Variants in CNTN5 observed in about 807,000 individuals in gnomAD.
The protein encoded by CNTN5 is contactin-5.
Under a neutral mutation model 129.1 loss-of-function variants are expected in CNTN5, and 77 were observed. The ratio of observed to expected loss-of-function variants is 0.60; its 90% CI spans 0.50 to 0.72. CNTN5 has a LOEUF of 0.72. Ranked by LOEUF, CNTN5 falls within the 30% of genes least tolerant of loss-of-function variation. The pLI is 0.00. For missense variants in CNTN5, 1,478 were observed against 1,328.8 expected, an observed-to-expected ratio of 1.11 and a Z score of -1.75; for synonymous variants, 509 against 465.6, an observed-to-expected ratio of 1.09 and a Z score of -1.20.
chr11:99,822,752 A>T (rs1269249236), intron 4 of CNTN5, among the ~76,000 whole-genome samples: 1 of 152,232 alleles, frequency 6.6e-6, no homozygotes, highest in East Asian at 1.9e-4. Context: ...GTCTCACAGT[A>T]ATTCTCACTT....
At chr11:99,728,931 A>C (rs939067061) in intron 3 of CNTN5, among the ~76,000 whole-genome samples, 1 of 152,182 alleles carries the variant, frequency 6.6e-6, no homozygotes, top group African/African-American at 2.4e-5. Flanking sequence ...TGTACACCTC[A>C]AGGTACAACA....
chr11:100,090,785 C>G (rs1181809237), intron 13 of CNTN5, among the ~76,000 whole-genome samples: 1 of 151,616 alleles, frequency 6.6e-6, no homozygotes, highest in African/African-American at 2.4e-5. Flanking sequence ...CACTGCTAAT[C>G]CTTAATCAAT....
At chr11:100,181,102 T>G (rs1389506793) in intron 13 of CNTN5, among the ~76,000 whole-genome samples, 1 of 152,050 alleles carries the variant, frequency 6.6e-6, no homozygotes, top group Non-Finnish European at 1.5e-5. Context: ...TATCTGTACA[T>G]CAATGCTTGT....
chr11:100,117,314 T>C (rs1390478574), intron 13 of CNTN5, among the ~76,000 whole-genome samples: 1 of 151,936 alleles, frequency 6.6e-6, no homozygotes, highest in Non-Finnish European at 1.5e-5. Context: ...GCCACATCCC[T>C]GTACTTTCAG....
intron 3 of CNTN5, among the ~76,000 whole-genome samples, chr11:99,799,189 G>A (rs1164835609): frequency 6.6e-6 from 1 of 151,714 alleles, no homozygotes; most frequent in Non-Finnish European, 1.5e-5. Context: ...CATATTATTG[G>A]CAAAGAGAGG....
chr11:99,827,825 G>A (rs932615411), intron 4 of CNTN5, among the ~76,000 whole-genome samples: 17 of 152,076 alleles, frequency 1.1e-4, no homozygotes, highest in African/African-American at 4.1e-4. Flanking sequence ...TGTTTGTGAC[G>A]CAAATTTTTA....
chr11:99,441,797 CT>C (rs981280832), intron 2 of CNTN5, among the ~76,000 whole-genome samples: 44 of 151,532 alleles, frequency 2.9e-4, no homozygotes, highest in African/African-American at 9.9e-4. Flanking sequence ...GCTCAGAACT[CT>C]TTTTTTTTAA....
intron 2 of CNTN5, among the ~76,000 whole-genome samples, chr11:99,398,076 C>T (rs941832926): frequency 6.6e-6 from 1 of 151,864 alleles, no homozygotes; most frequent in Non-Finnish European, 1.5e-5. Flanking sequence ...AACAGTGAGA[C>T]ACCTGGCTCC....
chr11:99,300,048 C>T (rs1402711273), intron 1 of CNTN5, among the ~76,000 whole-genome samples: 1 of 152,072 alleles, frequency 6.6e-6, no homozygotes, highest in African/African-American at 2.4e-5. Context: ...TGCATCCTTG[C>T]CAACATTTGT....
chr11:99,482,433 T>C (rs185443374), intron 2 of CNTN5, among the ~76,000 whole-genome samples: 4 of 152,264 alleles, frequency 2.6e-5, no homozygotes, highest in Admixed American at 2.0e-4. Context: ...TCTGTAACAG[T>C]TGAATAATAA....
Position 99,255,800 on chromosome 11 carries a change from G to GCA in CNTN5, c.-209-69532_-209-69531dup, listed in dbSNP as rs140725036. On this transcript the variant is annotated intron_variant, in intron 1 of 24. Transcript: ENST00000524871. ...CACATACATGCATAAACACACACAC[G>GCA]CACACACACACACACGCACACGCAC... 4.4e-4 allele frequency among the ~76,000 whole-genome samples: 65 copies of GCA among 146,592 alleles called. 1 individual carries two copies. Among genetic ancestry groups the GCA allele is most frequent in the South Asian group, 3.0e-3 (14 of 4,648 alleles).
At chr11:99,272,143 C>T (rs1377884953) in intron 1 of CNTN5, among the ~76,000 whole-genome samples, 2 of 151,836 alleles carry the variant, frequency 1.3e-5, no homozygotes, top group Non-Finnish European at 2.9e-5. Context: ...GCACAGAGCA[C>T]CTAAGTATCT....
At chr11:99,547,191 G>C (rs1948327072) in intron 2 of CNTN5, among the ~76,000 whole-genome samples, 2 of 152,006 alleles carry the variant, frequency 1.3e-5, no homozygotes. Flanking sequence ...TTTTAGTAGA[G>C]ACAGGGTTTC....
intron 9 of CNTN5, among the ~76,000 whole-genome samples, chr11:100,023,683 C>G (rs754678728): frequency 3.9e-5 from 6 of 152,152 alleles, no homozygotes; most frequent in Non-Finnish European, 8.8e-5. Context: ...TATCCCTAAC[C>G]TCTGGCAACC....
At chr11:99,555,164 G>A (rs1220171854) in intron 2 of CNTN5, among the ~76,000 whole-genome samples, 1 of 151,926 alleles carries the variant, frequency 6.6e-6, no homozygotes, top group Non-Finnish European at 1.5e-5. Context: ...GAAAAAATAC[G>A]TGTCTATATT....
At chr11:100,307,639 T>C (rs543284078) in intron 20 of CNTN5, among the ~76,000 whole-genome samples, 2 of 151,816 alleles carry the variant, frequency 1.3e-5, no homozygotes, top group East Asian at 3.9e-4. Flanking sequence ...TAAAAGTCAA[T>C]GCATGCCTTT....
chr11:100,230,787 AT>A (rs1479498334), intron 16 of CNTN5, among the ~76,000 whole-genome samples: 3 of 152,196 alleles, frequency 2.0e-5, no homozygotes, highest in Non-Finnish European at 4.4e-5. Flanking sequence ...TGATGGGAGT[AT>A]TTTGCCATTT....
intron 6 of CNTN5, among the ~76,000 whole-genome samples, chr11:99,905,810 T>G (rs1949487830): frequency 6.6e-6 from 1 of 152,208 alleles, no homozygotes. Flanking sequence ...TCCTCTGTTA[T>G]TTCCTTGAGC....
chr11:99,523,301 C>T (rs1947337334), intron 2 of CNTN5, among the ~76,000 whole-genome samples: 1 of 152,066 alleles, frequency 6.6e-6, no homozygotes, highest in Non-Finnish European at 1.5e-5. Flanking sequence ...GGATTATGGG[C>T]TGTTTAAAAT....
Sources: allele counts gnomAD v4.1 joint callset (sites outside exome capture counted in the v4.1 genomes callset), GRCh38; gene constraint gnomAD v4.1.1; transcripts MANE v1.5; gene names NCBI Gene and HGNC (gene_info 2026-07-23, HGNC 2026-07-21).